CPVL: variants seen among roughly 807,000 people sequenced by gnomAD.
CPVL encodes carboxypeptidase vitellogenic like, also known as probable serine carboxypeptidase CPVL.
A neutral mutation model predicts 63.7 loss-of-function variants in CPVL; 51 were observed. The observed-to-expected ratio is 0.80, with a 90% CI of 0.64 to 1.01. CPVL has a LOEUF of 1.01. Ranked by LOEUF, CPVL falls within the 50% of genes least tolerant of loss-of-function variation. The pLI is 0.00. For synonymous variants in CPVL, 195 were observed against 206.0 expected, an observed-to-expected ratio of 0.95 and a Z score of 0.46; for missense variants, 530 against 573.1, an observed-to-expected ratio of 0.92 and a Z score of 0.77.
At chr7:29,160,274 C>T (rs1794997737) in intron 5 of CPVL, among the ~76,000 whole-genome samples, 1 of 152,190 alleles carries the variant, frequency 6.6e-6, no homozygotes, top group Admixed American at 6.5e-5. Context: ...ATGAGCAGTA[C>T]ATTCTGGAAC....
chr7:29,189,324 CTGAG>C (rs1302122799), intron 1 of CPVL, among the ~76,000 whole-genome samples: 1 of 152,048 alleles, frequency 6.6e-6, no homozygotes, highest in Non-Finnish European at 1.5e-5. Context: ...GTCAACATGA[CTGAG>C]TGAATTAATG....
chr7:29,046,562 C>CACAT (rs1789634557), intron 11 of CPVL, among the ~76,000 whole-genome samples: 1 of 75,370 alleles, frequency 1.3e-5, no homozygotes, highest in Non-Finnish European at 2.6e-5. Context: ...TGCACGTGCG[C>CACAT]GCGTGCACAC....
intron 1 of CPVL, among the ~76,000 whole-genome samples, chr7:29,191,361 C>A (rs2128754627): frequency 6.6e-6 from 1 of 152,324 alleles, no homozygotes; most frequent in African/African-American, 2.4e-5. Context: ...GAGTTATTTT[C>A]TGCCTTGGGA....
chr7:29,192,653 C>G (rs1435659905), intron 1 of CPVL: 2 of 152,230 alleles, frequency 1.3e-5, no homozygotes, highest in Non-Finnish European at 2.9e-5. Flanking sequence ...ATGCCAGGTA[C>G]ACTGTAGCTT....
intron 7 of CPVL, among the ~76,000 whole-genome samples, chr7:29,076,513 A>C (rs545448008): frequency 7.2e-5 from 11 of 152,350 alleles, no homozygotes; most frequent in Admixed American, 7.2e-4. Flanking sequence ...TTCGAATGAG[A>C]AGCTCAGCCG....
At chr7:29,081,084 C>G (rs568018651) in intron 7 of CPVL, among the ~76,000 whole-genome samples, 9 of 152,210 alleles carry the variant, frequency 5.9e-5, no homozygotes, top group African/African-American at 2.2e-4. Context: ...TCCCCCTGAT[C>G]CTGTCACCTA....
intron 6 of CPVL, among the ~76,000 whole-genome samples, chr7:29,091,168 T>A (rs1235097400): frequency 6.6e-6 from 1 of 152,192 alleles, no homozygotes; most frequent in Non-Finnish European, 1.5e-5. Flanking sequence ...ATAGGTTCCC[T>A]TTACATGTCA....
chr7:29,149,798 C>A (rs1418896116), upstream of CPVL, among the ~76,000 whole-genome samples: 6 of 152,126 alleles, frequency 3.9e-5, no homozygotes, highest in African/African-American at 1.4e-4. Flanking sequence ...CCTTCCAGGG[C>A]TTTCTCTCTG....
intron 11 of CPVL, among the ~76,000 whole-genome samples, chr7:29,050,881 G>A (rs960383442): frequency 2.6e-4 from 40 of 151,630 alleles, no homozygotes; most frequent in Middle Eastern, 3.4e-3. Context: ...CCAAAACAGC[G>A]TGGTACTGGT....
intron 7 of CPVL, among the ~76,000 whole-genome samples, chr7:29,080,841 T>A (rs1440015454): frequency 1.3e-5 from 2 of 152,224 alleles, no homozygotes; most frequent in Admixed American, 1.3e-4. Context: ...CCCTAATTCA[T>A]TTTTAAATAG....
rs145432443 is a variant in CPVL, at chr7:29,137,269, G to A, written c.-11+9160C>T. The stretch of plus-strand genomic sequence containing the variant: ...AACACTTCTCTCTCTTGCAAGAGAG[G>A]GGCATCTGAATGGGAAATCTGGCCC... On this transcript the variant is annotated intron_variant, in intron 1 of 12. Coordinates refer to ENST00000265394, the MANE Select transcript of CPVL (RefSeq NM_031311.5). 5.1e-3 allele frequency among the ~76,000 whole-genome samples: 781 copies of A among 152,230 alleles called. 2 individuals are homozygous for A. Among genetic ancestry groups the A allele is most frequent in the Middle Eastern group, 0.01 (3 of 294 alleles).
intron 11 of CPVL, among the ~76,000 whole-genome samples, chr7:29,059,711 C>T (rs1261079188): frequency 3.9e-5 from 6 of 152,120 alleles, no homozygotes; most frequent in African/African-American, 1.2e-4. Flanking sequence ...AGGTCATTTA[C>T]AAGTGACCTT....
At chr7:29,090,000 T>C (rs905011260) in intron 6 of CPVL, among the ~76,000 whole-genome samples, 3 of 152,096 alleles carry the variant, frequency 2.0e-5, no homozygotes, top group Non-Finnish European at 4.4e-5. Flanking sequence ...GTAGCTGGGA[T>C]TACAGGCATG....
intron 1 of CPVL, among the ~76,000 whole-genome samples, chr7:29,136,367 G>T (rs1343665891): frequency 6.6e-6 from 1 of 152,206 alleles, no homozygotes; most frequent in East Asian, 1.9e-4. Context: ...ACTTGGCTCA[G>T]CAGTGAGCAT....
chr7:29,172,779 T>C (rs1038881971), intron 5 of CPVL, among the ~76,000 whole-genome samples: 1 of 152,184 alleles, frequency 6.6e-6, no homozygotes, highest in Non-Finnish European at 1.5e-5. Flanking sequence ...TATAAAACTT[T>C]TTTTTTCAAC....
intron 11 of CPVL, among the ~76,000 whole-genome samples, chr7:29,054,618 G>A (rs1223529428): frequency 3.3e-5 from 5 of 152,090 alleles, no homozygotes; most frequent in Non-Finnish European, 7.4e-5. Flanking sequence ...ACTGCTTATT[G>A]TATATGTGCT....
intron 5 of CPVL, among the ~76,000 whole-genome samples, chr7:29,175,334 C>T (rs1387312984): frequency 6.6e-6 from 1 of 152,026 alleles, no homozygotes; most frequent in Admixed American, 6.6e-5. Flanking sequence ...GCCACCACGC[C>T]TGACTAATTT....
At chr7:29,089,389 T>TTCAGATAATC in intron 6 of CPVL, among the ~76,000 whole-genome samples, 1 of 152,170 alleles carries the variant, frequency 6.6e-6, no homozygotes, top group Non-Finnish European at 1.5e-5. Flanking sequence ...ATAATCGAGT[T>TTCAGATAATC]TCAGATAATC....
chr7:29,029,763 G>A (rs758333687), intron 12 of CPVL, among the ~76,000 whole-genome samples: 3 of 152,088 alleles, frequency 2.0e-5, no homozygotes, highest in Non-Finnish European at 1.5e-5. Context: ...AGTTAAGAAC[G>A]ATATATTGTA....
Sources: gnomAD v4.1 joint callset for allele counts (sites outside exome capture counted in the v4.1 genomes callset) on GRCh38, gnomAD v4.1.1 for gene constraint, MANE v1.5 for transcripts, NCBI Gene and HGNC (gene_info 2026-07-23, HGNC 2026-07-21) for gene names.